Variants in PTK2 observed in about 807,000 individuals in gnomAD.
PTK2 encodes focal adhesion kinase 1.
A neutral mutation model predicts 150.1 loss-of-function variants in PTK2; 45 were observed. The ratio of observed to expected loss-of-function variants is 0.30; its 90% confidence interval spans 0.24 to 0.38. The LOEUF is 0.38. PTK2 is among the 10% of genes least tolerant of loss of function. The probability of loss-of-function intolerance (pLI) is 1.00; values close to 1 mark genes in which losing one functional copy is unlikely to be tolerated. For missense variants in PTK2, 919 were observed against 1,307.3 expected (o/e 0.70, Z 4.58); for synonymous variants, 432 against 449.2 (o/e 0.96, Z 0.48).
chr8:140,922,936 A>G (rs2100168089), intron 2 of PTK2, among the ~76,000 whole-genome samples: 1 of 152,256 alleles, frequency 6.6e-6, no homozygotes, highest in East Asian at 1.9e-4. Context: ...GAGTGGTGTA[A>G]GCACAGGGTG....
chr8:140,758,043 CT>C (rs1039432635), intron 16 of PTK2, among the ~76,000 whole-genome samples: 1 of 152,056 alleles, frequency 6.6e-6, no homozygotes. Flanking sequence ...CTTTGTTTTT[CT>C]TTTTTTCTAA....
intron 14 of PTK2, among the ~76,000 whole-genome samples, chr8:140,768,070 A>C (rs1197448743): frequency 6.6e-6 from 1 of 152,200 alleles, no homozygotes; most frequent in Non-Finnish European, 1.5e-5. Context: ...TCTATATTTA[A>C]TAATGACATT....
chr8:140,668,540 AT>A (rs1475260549), intron 29 of PTK2, 116 bp from the exon 34 acceptor site: 2 of 1,231,102 alleles, frequency 1.6e-6, no homozygotes, highest in East Asian at 2.4e-5. Flanking sequence ...AAGGTCATTG[AT>A]TTTCTTGTGT....
Position 140,846,696 on chromosome 8 carries a change from G to C in PTK2, c.451-18C>G, listed in dbSNP as rs762730276. ...CTCTTCACCTACAACAAAAGGAATGGGAAAAACAACACTGTTTTAAAAGAA... is the reference window on the plus strand; with the variant it reads ...CTCTTCACCTACAACAAAAGGAATGCGAAAAACAACACTGTTTTAAAAGAA... On this transcript the variant is annotated intron_variant, in intron 5 of 31. Coordinates refer to ENST00000522684, the Ensembl canonical transcript of PTK2. The C allele has an allele frequency of 1.9e-6, 3 of 1,574,452 alleles. No homozygotes were observed. The Admixed American group carries it at 5.3e-5, about 28-fold the overall frequency.
At chr8:140,708,404 G>A (rs1202681691) in intron 23 of PTK2, among the ~76,000 whole-genome samples, 1 of 152,112 alleles carries the variant, frequency 6.6e-6, no homozygotes, top group Admixed American at 6.5e-5. Context: ...CTTCTTTCAC[G>A]CAACAGCTCG....
intron 4 of PTK2, among the ~76,000 whole-genome samples, chr8:140,865,226 GT>G (rs2100138611): frequency 1.3e-5 from 2 of 152,172 alleles, no homozygotes; most frequent in African/African-American, 4.8e-5. Context: ...TGAAGTGCTT[GT>G]TGAGTTTTTT....
intron 14 of PTK2, chr8:140,770,761 G>A (rs764927374): frequency 5.9e-6 from 8 of 1,354,838 alleles, no homozygotes; most frequent in South Asian, 2.4e-5. Context: ...GGGAGAAAGC[G>A]CCTAGCTTTC....
At chr8:140,869,593 C>CA (rs1465026927) in intron 4 of PTK2, among the ~76,000 whole-genome samples, 1 of 148,268 alleles carries the variant, frequency 6.7e-6, no homozygotes, top group Non-Finnish European at 1.5e-5. Context: ...TTTTTTTAAG[C>CA]AAAAAAATGA....
Position 140,735,543 on chromosome 8 carries a change from C to T in PTK2, c.1826-88G>A, listed in dbSNP as rs570837995. 1.9e-5 allele frequency: 25 copies of T among 1,338,348 alleles called. No individual in the cohort carries two copies. The African/African-American group carries it at 2.5e-4, about 13-fold the overall frequency. 82.9% of individuals were successfully genotyped at this position (1,338,348 alleles called of 1,614,324 possible). A position where few individuals can be genotyped will look rare whatever the true frequency, so the allele number is the denominator to read the frequency against. ...CAGGAACATTGTTCTTCTAGGCACTCGAGTACCAGCTGGGAGGTAATGGGC... is the reference window on the plus strand; with the variant it reads ...CAGGAACATTGTTCTTCTAGGCACTTGAGTACCAGCTGGGAGGTAATGGGC... On this transcript the variant is annotated intron_variant, in intron 21 of 31. Transcript: ENST00000522684.
chr8:140,918,533 C>T (rs1373343867), intron 2 of PTK2, among the ~76,000 whole-genome samples: 1 of 152,092 alleles, frequency 6.6e-6, no homozygotes, highest in Non-Finnish European at 1.5e-5. Flanking sequence ...AAACAAAGTC[C>T]TTTTTAATAC....
At chr8:140,997,798 G>T (rs1164932558) in intron 1 of PTK2, among the ~76,000 whole-genome samples, 1 of 152,176 alleles carries the variant, frequency 6.6e-6, no homozygotes, top group Non-Finnish European at 1.5e-5. Context: ...AATTAGCTGG[G>T]AGTAGTGGTA....
chr8:141,001,228 G>C (rs994107789), exon 1 of PTK2: 1 of 149,178 alleles, frequency 6.7e-6, no homozygotes, highest in Non-Finnish European at 1.5e-5. Flanking sequence ...CGGGCTCACA[G>C]TGGTCCGGGA....
At chr8:140,927,813 C>T (rs970650751) in intron 1 of PTK2, among the ~76,000 whole-genome samples, 2 of 150,394 alleles carry the variant, frequency 1.3e-5, no homozygotes, top group East Asian at 1.9e-4. Flanking sequence ...AAATTGGCCG[C>T]GCGTGGTGGC....
At position 140,964,382 on chromosome 8, in the gene PTK2, C is replaced by T. The variant is rs529520630; in HGVS notation, c.-122+36743G>A. Reference sequence around the variant, plus strand: ...CACACCATCACGCGCCAGCTAATTTCTTTTTTTTTTTCTGGAGATAGGGTC... The same window carrying T: ...CACACCATCACGCGCCAGCTAATTTTTTTTTTTTTTTCTGGAGATAGGGTC... On this transcript the variant is annotated intron_variant, in intron 1 of 31. Coordinates refer to ENST00000522684, the Ensembl canonical transcript of PTK2. Among the ~76,000 whole-genome samples the T allele has an allele frequency of 5.9e-4, 86 of 145,270 alleles. No homozygotes were observed. The South Asian group carries it at 0.014, about 24-fold the overall frequency.
intron 2 of PTK2, chr8:140,920,771 A>G: frequency 1.4e-6 from 2 of 1,404,542 alleles, no homozygotes; most frequent in Non-Finnish European, 1.9e-6. Flanking sequence ...GTGCAAAAGC[A>G]TGAATTCAAA....
At chr8:140,737,216 C>T (rs1261217148) in intron 21 of PTK2, among the ~76,000 whole-genome samples, 1 of 152,230 alleles carries the variant, frequency 6.6e-6, no homozygotes, top group Admixed American at 6.5e-5. Flanking sequence ...GATCCTCCCA[C>T]CTCAGCCTCC....
At chr8:140,725,695 T>G (rs11783270) in intron 22 of PTK2, among the ~76,000 whole-genome samples, 67,468 of 152,070 alleles carry the variant, frequency 0.44, 15,951 homozygotes, top group Non-Finnish European at 0.54. Flanking sequence ...GATCCTAGAA[T>G]CATGCACACA....
chr8:140,905,150 T>A (rs1218169017), intron 2 of PTK2, among the ~76,000 whole-genome samples: 5 of 152,202 alleles, frequency 3.3e-5, no homozygotes, highest in Non-Finnish European at 7.4e-5. Flanking sequence ...AATTTCCCTC[T>A]AAACACTGCT....
At chr8:140,768,741 G>A (rs1237717147) in intron 14 of PTK2, among the ~76,000 whole-genome samples, 3 of 152,186 alleles carry the variant, frequency 2.0e-5, no homozygotes, top group African/African-American at 7.2e-5. Context: ...GCTGCTAATT[G>A]ATTATTATCA....
Sources: allele counts gnomAD v4.1 joint callset (sites outside exome capture counted in the v4.1 genomes callset), GRCh38; gene constraint gnomAD v4.1.1; transcripts MANE v1.5; gene names NCBI Gene and HGNC (gene_info 2026-07-23, HGNC 2026-07-21).